B4GALNT2: variants seen among roughly 807,000 people sequenced by gnomAD.
The protein encoded by B4GALNT2 is beta-1,4-N-acetyl-galactosaminyltransferase 2 (SID blood group).
B4GALNT2 carries 42 observed loss-of-function variants against 51.1 expected under a neutral mutation model. That is an observed-to-expected ratio of 0.82 (90% CI 0.64 to 1.06). The LOEUF is 1.06. Ranked by LOEUF, B4GALNT2 falls within the 50% of genes least tolerant of loss-of-function variation. B4GALNT2 has a pLI of 0.00. For missense variants in B4GALNT2, 602 were observed against 633.6 expected, an observed-to-expected ratio of 0.95 and a Z score of 0.54; for synonymous variants, 253 against 251.7, an observed-to-expected ratio of 1.01 and a Z score of -0.05.
At position 49,172,924 on chromosome 17, in the gene B4GALNT2, AT is replaced by A. The variant is rs1220834690; in HGVS notation, c.*3198del. 1 of 152,252 alleles carries A rather than the reference AT, an allele frequency of 6.6e-6. No homozygotes were observed. The highest frequency in any genetic ancestry group is 2.4e-5 in the African/African-American group (1 of 41,468). 9.4% of individuals were successfully genotyped at this position (152,252 alleles called of 1,614,324 possible). A position where few individuals can be genotyped will look rare whatever the true frequency, so the allele number is the denominator to read the frequency against. On this transcript the variant is annotated 3_prime_UTR_variant, in exon 11 of 11. Transcript: ENST00000393354. The stretch of plus-strand genomic sequence containing the variant: ...GAGAATTAGGTTCCAATCCTTGAGG[AT>A]TAACTCCTCCTGTAAAAGATGAGGA...
upstream of B4GALNT2, chr17:49,132,641 C>T: frequency 1.2e-6 from 1 of 833,688 alleles, no homozygotes; most frequent in Non-Finnish European, 1.7e-6. Flanking sequence ...GGTGTGGGGG[C>T]GGTCAGGAGA....
intron 4 of B4GALNT2, among the ~76,000 whole-genome samples, chr17:49,154,042 C>T (rs954118504): frequency 6.7e-6 from 1 of 149,078 alleles, no homozygotes; most frequent in Admixed American, 6.7e-5. Flanking sequence ...GTCTTGCTGT[C>T]ACCCAGGTTA....
In B4GALNT2 at chr17:49,176,660, T is replaced by G. The variant is rs1179244371; in HGVS notation, c.*6932T>G. ...GCAGAGATTTTATTTATGGCCAGTT[T>G]ATGGCCAGATTTGGGGGCCTGTTCC... is the stretch of plus-strand genomic sequence containing the variant. On this transcript the variant is annotated 3_prime_UTR_variant, in exon 11 of 11. Transcript: ENST00000393354. The G allele has an allele frequency of 6.6e-6, 1 of 152,354 alleles. No homozygotes were observed. The allele number at this position is 152,354 out of a possible 1,614,324, so 9.4% of individuals were successfully genotyped here.
upstream of B4GALNT2, chr17:49,132,377 G>T (rs890544984): frequency 1.0e-5 from 2 of 194,960 alleles, no homozygotes; most frequent in African/African-American, 4.6e-5. Flanking sequence ...AGGACAGTAG[G>T]TGTGGAGTGC....
chr17:49,152,048 T>C (rs1306057140), intron 3 of B4GALNT2, among the ~76,000 whole-genome samples: 2 of 152,092 alleles, frequency 1.3e-5, no homozygotes, highest in Non-Finnish European at 2.9e-5. Context: ...GATAATTTCC[T>C]TCTTCTATGC....
At chr17:49,138,055 T>C (rs1272020321) in intron 1 of B4GALNT2, among the ~76,000 whole-genome samples, 9 of 152,156 alleles carry the variant, frequency 5.9e-5, no homozygotes, top group Admixed American at 1.3e-4. Context: ...GAATAAACCA[T>C]GTAAGGTCTA....
chr17:49,126,190 A>G, the B4GALNT2 span, among the ~76,000 whole-genome samples: 1,007 of 152,244 alleles, frequency 6.6e-3, 6 homozygotes, highest in Non-Finnish European at 0.01. Flanking sequence ...CTGTTGATCT[A>G]TGACCTTACC....
the B4GALNT2 span, among the ~76,000 whole-genome samples, chr17:49,122,562 A>G: frequency 6.6e-6 from 1 of 152,214 alleles, no homozygotes. Flanking sequence ...GGGATGACCC[A>G]TGCTATGATT....
chr17:49,133,063 T>C (rs144943249), intron 1 of B4GALNT2: 8 of 1,501,338 alleles, frequency 5.3e-6, no homozygotes, highest in African/African-American at 3.0e-5. Flanking sequence ...AAATTCCACG[T>C]GGAAGTGGCC....
chr17:49,121,746 T>C, the B4GALNT2 span, among the ~76,000 whole-genome samples: 14 of 152,038 alleles, frequency 9.2e-5, no homozygotes, highest in South Asian at 2.1e-4. Flanking sequence ...GGGGTCACCA[T>C]TGGGGGAAGC....
chr17:49,161,972 T>G (rs1478643927), intron 7 of B4GALNT2, among the ~76,000 whole-genome samples: 1 of 151,266 alleles, frequency 6.6e-6, no homozygotes, highest in Non-Finnish European at 1.5e-5. Flanking sequence ...ATATAAAATT[T>G]TATATATTAA....
chr17:49,149,658 G>T (rs2042730466), intron 3 of B4GALNT2, among the ~76,000 whole-genome samples: 1 of 152,108 alleles, frequency 6.6e-6, no homozygotes, highest in Non-Finnish European at 1.5e-5. Context: ...TCAGAAAAAA[G>T]AAAAATACAC....
intron 7 of B4GALNT2, 135 bp downstream of exon 7, chr17:49,160,776 T>C: frequency 1.3e-6 from 1 of 798,286 alleles, no homozygotes; most frequent in Non-Finnish European, 2.0e-6. Flanking sequence ...CAAGCTTCGT[T>C]TGGAGGAAAA....
chr17:49,169,624 G>C lies in B4GALNT2; in HGVS notation c.1417G>C (p.Ala473Pro), dbSNP rs1430539682. 3 of 1,613,302 alleles carry C rather than the reference G, an allele frequency of 1.9e-6. No homozygotes were observed. The highest frequency in any genetic ancestry group is 2.5e-6 in the Non-Finnish European group (3 of 1,179,894). The change falls in exon 11 of 11, where the codon GCC becomes CCC. Residue 473 changes from alanine (A) to proline (P), a missense_variant. By Grantham distance (27) the Ala-to-Pro change is conservative. Coordinates refer to ENST00000393354, the MANE Select transcript of B4GALNT2 (RefSeq NM_001159387.2). ...RSPVVDSELA[A>P]LEKTYNTYRS... ...TCCAGTGGTGGACTCAGAACTGGCT[G>C]CCCTAGAGAAGACCTACAATACATA...
chr17:49,148,623 A>C lies in B4GALNT2; in HGVS notation c.354-4177A>C, dbSNP rs2042720269. The C allele has an allele frequency of 7.5e-6, 4 of 533,206 alleles. No homozygotes were observed. The South Asian group carries it at 7.7e-5, about 10-fold the overall frequency. 33.0% of individuals were successfully genotyped at this position (533,206 alleles called of 1,614,324 possible). A position where few individuals can be genotyped will look rare whatever the true frequency, so the allele number is the denominator to read the frequency against. On this transcript the variant is annotated intron_variant, in intron 3 of 10. Coordinates refer to ENST00000393354, the MANE Select transcript of B4GALNT2 (RefSeq NM_001159387.2). ...GTACGCGTAGAAATGTCTCCAGGCA[A>C]ACCGTTCCTGCACAAAGCCTCCGGA...
Position 49,169,821 on chromosome 17 carries a change from A to G in B4GALNT2, c.*93A>G. ...TGGACTCCTGATAGGTGAACGTTGT[A>G]CCAAACCAGCTGGTGGGTAGGGAAA... On this transcript the variant is annotated 3_prime_UTR_variant, in exon 11 of 11. Transcript: ENST00000393354. 1 of 1,239,390 alleles carries G rather than the reference A, an allele frequency of 8.1e-7. No homozygotes were observed. The highest frequency in any genetic ancestry group is 1.1e-6 in the Non-Finnish European group (1 of 917,648). 76.8% of individuals were successfully genotyped at this position (1,239,390 alleles called of 1,614,324 possible).
the B4GALNT2 span, among the ~76,000 whole-genome samples, chr17:49,120,536 TG>T: frequency 6.6e-6 from 1 of 150,760 alleles, no homozygotes; most frequent in Non-Finnish European, 1.5e-5. Flanking sequence ...GAAACAGTCT[TG>T]CCCTATTGCC....
At chr17:49,139,876 G>GC (rs2042624931) in intron 1 of B4GALNT2, among the ~76,000 whole-genome samples, 1 of 151,250 alleles carries the variant, frequency 6.6e-6, no homozygotes, top group Non-Finnish European at 1.5e-5. Context: ...CTTTATTACA[G>GC]TTTTCTTTGT....
chr17:49,159,340 T>TTTGTC (rs1476484814), intron 6 of B4GALNT2, 123 bp downstream of exon 6: 1 of 1,081,272 alleles, frequency 9.2e-7, no homozygotes, highest in African/African-American at 1.6e-5. Context: ...GTTTGTTTGT[T>TTTGTC]TTGTTTTGTT....
Sources: allele counts gnomAD v4.1 joint callset (sites outside exome capture counted in the v4.1 genomes callset), GRCh38; gene constraint gnomAD v4.1.1; transcripts MANE v1.5; gene names NCBI Gene and HGNC (gene_info 2026-07-23, HGNC 2026-07-21).